TRIM4: variants seen among roughly 807,000 people sequenced by gnomAD.
The protein encoded by TRIM4 is E3 ubiquitin-protein ligase TRIM4.
A neutral mutation model predicts 33.7 loss-of-function variants in TRIM4; 29 were observed. That is an observed-to-expected ratio of 0.86 (90% confidence interval 0.64 to 1.17). TRIM4 has a LOEUF of 1.17. Ranked by LOEUF, TRIM4 falls within the 50% of genes most tolerant of loss-of-function variation. The pLI is 0.00. For missense variants in TRIM4, 554 were observed against 593.7 expected (o/e 0.93, Z 0.69); for synonymous variants, 224 against 233.0 (o/e 0.96, Z 0.35).
chr7:99,903,609 A>C lies in TRIM4; in HGVS notation c.721-11T>G. ...CACTTCTTTTGGATTCTGTGAAAAG[A>C]AGGAAGACATAAGCAAATTACGAAC... On this transcript the variant is annotated splice_polypyrimidine_tract_variant and intron_variant, in intron 3 of 5. Coordinates refer to ENST00000349062, the MANE Select transcript of TRIM4 (RefSeq NM_033091.3). 1 of 1,614,216 alleles carries C rather than the reference A, an allele frequency of 6.2e-7. No individual in the cohort carries two copies. Among genetic ancestry groups the C allele is most frequent in the African/African-American group, 1.3e-5 (1 of 75,050 alleles).
intron 1 of TRIM4, 98 bp downstream of exon 1, chr7:99,918,910 AG>A (rs1819622847): frequency 8.0e-6 from 11 of 1,366,908 alleles, no homozygotes; most frequent in Non-Finnish European, 1.1e-5. Context: ...TGCTTCCAGT[AG>A]GAATGACAGC....
intron 5 of TRIM4, among the ~76,000 whole-genome samples, chr7:99,894,316 G>A (rs982997499): frequency 3.9e-5 from 6 of 152,158 alleles, no homozygotes; most frequent in African/African-American, 1.4e-4. Context: ...TTCAATAGGA[G>A]TTCTTGAAGA....
intron 5 of TRIM4, among the ~76,000 whole-genome samples, chr7:99,899,166 G>C (rs1819096405): frequency 6.6e-6 from 1 of 152,160 alleles, no homozygotes; most frequent in South Asian, 2.1e-4. Context: ...AGAGTTCTGA[G>C]CTAAAGAATC....
intron 5 of TRIM4, among the ~76,000 whole-genome samples, chr7:99,894,221 T>C (rs1818960412): frequency 6.6e-6 from 1 of 152,236 alleles, no homozygotes; most frequent in Non-Finnish European, 1.5e-5. Flanking sequence ...AATTCTTTTC[T>C]CTTGTGACGT....
At chr7:99,905,112 C>A (rs1470376668) in intron 3 of TRIM4, among the ~76,000 whole-genome samples, 6 of 151,622 alleles carry the variant, frequency 4.0e-5, no homozygotes, top group Non-Finnish European at 8.8e-5. Flanking sequence ...TATCCATATA[C>A]CTTTAGGAAG....
At chr7:99,898,581 A>G (rs1433650100) in intron 5 of TRIM4, among the ~76,000 whole-genome samples, 1 of 152,162 alleles carries the variant, frequency 6.6e-6, no homozygotes, top group Non-Finnish European at 1.5e-5. Flanking sequence ...TTGAGACACC[A>G]TTCTTACTAA....
rs773556525 is a variant in TRIM4 at position 99,909,669 on chromosome 7, A to G, written c.394-9T>C. Reference sequence around the variant, plus strand: ...GACTTAAGAAGTTTCTCCTGCCAGCAGAAACACACACAGGTAAGAAAACAC... The same window carrying G: ...GACTTAAGAAGTTTCTCCTGCCAGCGGAAACACACACAGGTAAGAAAACAC... On this transcript the variant is annotated splice_polypyrimidine_tract_variant and intron_variant, in intron 1 of 5. Coordinates refer to ENST00000349062, the MANE Select transcript of TRIM4 (RefSeq NM_033091.3). The G allele has an allele frequency of 1.8e-5, 29 of 1,607,606 alleles. No individual in the cohort carries two copies. Among genetic ancestry groups the G allele is most frequent in the Non-Finnish European group, 2.3e-5 (27 of 1,175,872 alleles).
At chr7:99,912,434 G>C (rs1054281846) in intron 1 of TRIM4, among the ~76,000 whole-genome samples, 12 of 151,820 alleles carry the variant, frequency 7.9e-5, no homozygotes, top group African/African-American at 2.9e-4. Flanking sequence ...GGGAGGCTGA[G>C]GCATGAGAAT....
Position 99,898,532 on chromosome 7 carries a change from C to G in TRIM4, c.841+4686G>C, listed in dbSNP as rs12670351. Among the ~76,000 whole-genome samples the G allele has an allele frequency of 1.7e-3, 264 of 152,296 alleles. 3 individuals are homozygous for G. The East Asian group carries it at 0.049, about 28-fold the overall frequency. On this transcript the variant is annotated intron_variant, in intron 5 of 5. Coordinates refer to ENST00000349062, the MANE Select transcript of TRIM4 (RefSeq NM_033091.3). The stretch of plus-strand genomic sequence containing the variant: ...CCCTAAAATTGGGCTGGTAGATGCA[C>G]CTGGGGTCGTCTTCACCTGCCGGAC...
chr7:99,900,881 G>C (rs1394362599), intron 5 of TRIM4, among the ~76,000 whole-genome samples: 1 of 152,034 alleles, frequency 6.6e-6, no homozygotes, highest in Non-Finnish European at 1.5e-5. Context: ...TTTTAACACT[G>C]GTTTCCAGCA....
In TRIM4 at chr7:99,892,152, G is replaced by A. The variant is rs1478931680; in HGVS notation, c.*11C>T. 6.3e-7 allele frequency: 1 copy of A among 1,589,278 alleles called. No individual in the cohort carries two copies. The highest frequency in any genetic ancestry group is 1.7e-5 in the Admixed American group (1 of 57,392). On this transcript the variant is annotated 3_prime_UTR_variant, in exon 6 of 6. Coordinates refer to ENST00000349062, the MANE Select transcript of TRIM4 (RefSeq NM_033091.3). Reference sequence around the variant, plus strand: ...TACAGGGAAGGAGTTTTGGTCAGGGGAAGAAAAGCCTCATTTCCTATCAGT... The same window carrying A: ...TACAGGGAAGGAGTTTTGGTCAGGGAAAGAAAAGCCTCATTTCCTATCAGT...
chr7:99,893,563 C>T (rs141890007), intron 5 of TRIM4, among the ~76,000 whole-genome samples: 184 of 152,310 alleles, frequency 1.2e-3, no homozygotes, highest in East Asian at 6.9e-3. Context: ...TCTATACTCT[C>T]GGGACTAATC....
At chr7:99,918,901 G>T in intron 1 of TRIM4, 108 bp downstream of exon 1, 1 of 1,328,878 alleles carries the variant, frequency 7.5e-7, no homozygotes, top group Non-Finnish European at 9.8e-7. Context: ...GGCTTTTCAT[G>T]CTTCCAGTAG....
At chr7:99,902,042 G>A (rs537146193) in intron 5 of TRIM4, 10 of 749,054 alleles carry the variant, frequency 1.3e-5, no homozygotes, top group African/African-American at 6.8e-5. Context: ...AGAGGGTAGG[G>A]CAATCATAGG....
At chr7:99,911,554 A>T (rs1199212087) in intron 1 of TRIM4, among the ~76,000 whole-genome samples, 1 of 152,266 alleles carries the variant, frequency 6.6e-6, no homozygotes, top group African/African-American at 2.4e-5. Context: ...TTCCCCAGAA[A>T]ACTAACAATT....
chr7:99,901,159 T>G (rs1342492736), intron 5 of TRIM4: 1 of 152,190 alleles, frequency 6.6e-6, no homozygotes, highest in Non-Finnish European at 1.5e-5. Flanking sequence ...GTATGTTTCA[T>G]TTTTTTGTAG....
intron 1 of TRIM4, among the ~76,000 whole-genome samples, chr7:99,912,174 T>C (rs1819460275): frequency 6.6e-6 from 1 of 152,218 alleles, no homozygotes; most frequent in African/African-American, 2.4e-5. Flanking sequence ...GAAGGGCATT[T>C]GTCAAAGCTC....
At chr7:99,904,657 G>A (rs928241209) in intron 3 of TRIM4, among the ~76,000 whole-genome samples, 2 of 152,084 alleles carry the variant, frequency 1.3e-5, no homozygotes, top group African/African-American at 4.8e-5. Flanking sequence ...CAACTTTTTG[G>A]TAAACCTAAA....
intron 1 of TRIM4, 69 bp from the exon 2 acceptor site, chr7:99,909,729 G>GTTTTT (rs58242927): frequency 5.7e-5 from 41 of 725,112 alleles, no homozygotes; most frequent in Middle Eastern, 3.2e-4. Context: ...TTTTCTTTTT[G>GTTTTT]TTTTTTTTTT....
Sources: allele counts gnomAD v4.1 joint callset (sites outside exome capture counted in the v4.1 genomes callset), GRCh38; gene constraint gnomAD v4.1.1; transcripts MANE v1.5; gene names NCBI Gene and HGNC (gene_info 2026-07-23, HGNC 2026-07-21).